The following CADM2 variants were observed in gnomAD, a reference collection of about 807,000 sequenced individuals.
The protein encoded by CADM2 is cell adhesion molecule 2.
In CADM2, 12 loss-of-function variants were observed where a neutral mutation model predicts 49.8. The observed-to-expected ratio is 0.24, with a 90% CI of 0.15 to 0.39. The LOEUF (loss-of-function observed/expected upper bound fraction) is 0.39. Among genes scored for constraint, CADM2 ranks in the 10% least tolerant of loss-of-function variants. CADM2 has a pLI of 1.00. For synonymous variants in CADM2, 214 were observed against 175.4 expected (o/e 1.22, Z -1.74); for missense variants, 378 against 492.3 (o/e 0.77, Z 2.20).
At chr3:85,313,484 C>A (rs1466971558) in intron 1 of CADM2, among the ~76,000 whole-genome samples, 1 of 152,130 alleles carries the variant, frequency 6.6e-6, no homozygotes, top group Non-Finnish European at 1.5e-5. Flanking sequence ...GAGAGCAAAT[C>A]ATTTTCTTTG....
At chr3:85,320,925 T>A (rs1171171933) in intron 1 of CADM2, among the ~76,000 whole-genome samples, 1 of 133,734 alleles carries the variant, frequency 7.5e-6, no homozygotes, top group Non-Finnish European at 1.7e-5. Context: ...GATTTATTTC[T>A]GTTAGATTTT....
chr3:86,066,836 T>A lies in CADM2; in HGVS notation c.*53T>A. ...TACCAGGCTGAATGCTGGAGAAAAC[T>A]GGCTATCATCTTTCAGAAGTCATTT... is the stretch of plus-strand genomic sequence containing the variant. On this transcript the variant is annotated 3_prime_UTR_variant, in exon 10 of 10. Transcript: ENST00000383699. 2 of 1,234,936 alleles carry A rather than the reference T, an allele frequency of 1.6e-6. No individual in the cohort carries two copies. The highest frequency in any genetic ancestry group is 1.2e-6 in the Non-Finnish European group (1 of 836,934). 76.5% of individuals were successfully genotyped at this position (1,234,936 alleles called of 1,614,324 possible).
chr3:85,936,495 G>T (rs758556882), intron 7 of CADM2, among the ~76,000 whole-genome samples: 6 of 151,694 alleles, frequency 4.0e-5, no homozygotes, highest in Admixed American at 1.3e-4. Flanking sequence ...TTTAATTATG[G>T]ATTATTTAAA....
intron 1 of CADM2, among the ~76,000 whole-genome samples, chr3:85,551,644 A>G (rs62253971): frequency 0.51 from 77,732 of 151,830 alleles, 22,951 homozygotes; most frequent in East Asian, 0.85. Flanking sequence ...GTTAAAATAT[A>G]TGTACAGAAC....
At chr3:85,441,480 A>G (rs2037198730) in intron 1 of CADM2, among the ~76,000 whole-genome samples, 1 of 152,118 alleles carries the variant, frequency 6.6e-6, no homozygotes, top group Non-Finnish European at 1.5e-5. Flanking sequence ...ACAGAGAGTC[A>G]TATTTGAAAT....
chr3:85,901,423 TCTG>T (rs1273363311), intron 5 of CADM2, among the ~76,000 whole-genome samples: 2 of 152,178 alleles, frequency 1.3e-5, no homozygotes, highest in Non-Finnish European at 2.9e-5. Flanking sequence ...GCATTCATTG[TCTG>T]CTATTTTATT....
chr3:85,467,195 G>A (rs1018278982), intron 1 of CADM2, among the ~76,000 whole-genome samples: 1 of 152,070 alleles, frequency 6.6e-6, no homozygotes, highest in African/African-American at 2.4e-5. Flanking sequence ...ACAAATCATG[G>A]AGAATGTAGA....
chr3:85,331,581 G>T (rs2044928174), intron 1 of CADM2, among the ~76,000 whole-genome samples: 1 of 151,718 alleles, frequency 6.6e-6, no homozygotes, highest in Admixed American at 6.6e-5. Flanking sequence ...TTGAGAATAA[G>T]AGTTTTACTT....
intron 5 of CADM2, among the ~76,000 whole-genome samples, chr3:85,892,490 G>GT (rs1454809570): frequency 6.6e-6 from 1 of 152,108 alleles, no homozygotes; most frequent in African/African-American, 2.4e-5. Context: ...ATGGGGGTGT[G>GT]TTTTTCCCAT....
intron 1 of CADM2, among the ~76,000 whole-genome samples, chr3:85,030,109 T>C (rs1429221718): frequency 6.6e-6 from 1 of 152,216 alleles, no homozygotes; most frequent in Admixed American, 6.5e-5. Context: ...TCCAGAACTT[T>C]TCTGCATTAA....
Position 84,973,393 on chromosome 3 carries a change from C to G in CADM2, c.61+13725C>G, listed in dbSNP as rs892808203. Among the ~76,000 whole-genome samples the G allele has an allele frequency of 5.9e-5, 9 of 152,180 alleles. No homozygotes were observed. In the East Asian group the frequency reaches 1.7e-3, roughly 29 times the overall value. ...TAAGGTTAAAGAGCTCTCATTTCCT[C>G]CAGTCGTTTATCCTGAAAACGTTCT... On this transcript the variant is annotated intron_variant, in intron 1 of 9. Transcript: ENST00000383699.
chr3:85,996,660 A>ACTT (rs1729463837), intron 8 of CADM2, among the ~76,000 whole-genome samples: 1 of 152,024 alleles, frequency 6.6e-6, no homozygotes, highest in African/African-American at 2.4e-5. Context: ...TCTAGTGAAA[A>ACTT]CTTTATTGTT....
intron 1 of CADM2, among the ~76,000 whole-genome samples, chr3:85,251,339 T>C (rs1421327791): frequency 6.6e-6 from 1 of 151,874 alleles, no homozygotes; most frequent in Non-Finnish European, 1.5e-5. Context: ...TATTCTGTGG[T>C]CTCCAGATCC....
chr3:86,014,995 TGG>T (rs1293300237), intron 8 of CADM2: 1 of 1,109,474 alleles, frequency 9.0e-7, no homozygotes, highest in East Asian at 2.4e-5. Flanking sequence ...TCGAGTAACT[TGG>T]CTTTGCTTAA....
chr3:85,338,818 A>G (rs2045161864), intron 1 of CADM2, among the ~76,000 whole-genome samples: 1 of 151,530 alleles, frequency 6.6e-6, no homozygotes, highest in African/African-American at 2.4e-5. Flanking sequence ...AGGAATCCCA[A>G]TAAAATTTTA....
intron 1 of CADM2, among the ~76,000 whole-genome samples, chr3:85,366,617 T>C (rs2107301210): frequency 6.6e-6 from 1 of 152,290 alleles, no homozygotes; most frequent in Admixed American, 6.5e-5. Context: ...CTCTAAGTGC[T>C]TGTATAATAA....
chr3:85,211,805 G>T (rs999045391), intron 1 of CADM2, among the ~76,000 whole-genome samples: 8 of 152,122 alleles, frequency 5.3e-5, no homozygotes, highest in African/African-American at 1.7e-4. Flanking sequence ...ATGCTATATA[G>T]TACAAGTTAA....
intron 1 of CADM2, among the ~76,000 whole-genome samples, chr3:85,144,428 G>A (rs573669147): frequency 4.0e-5 from 6 of 151,818 alleles, no homozygotes; most frequent in Non-Finnish European, 7.4e-5. Flanking sequence ...CCTGGCCAAC[G>A]TGATGAAACC....
At chr3:85,417,072 A>G (rs980776309) in intron 1 of CADM2, among the ~76,000 whole-genome samples, 9 of 152,092 alleles carry the variant, frequency 5.9e-5, no homozygotes, top group Admixed American at 4.6e-4. Context: ...AAAATGTTCA[A>G]TTATGTAGCT....
Sources: gnomAD v4.1 joint callset for allele counts (sites outside exome capture counted in the v4.1 genomes callset) on GRCh38, gnomAD v4.1.1 for gene constraint, MANE v1.5 for transcripts, NCBI Gene and HGNC (gene_info 2026-07-23, HGNC 2026-07-21) for gene names.